TIMMDC1: variants seen among roughly 807,000 people sequenced by gnomAD.
The protein encoded by TIMMDC1 is complex I assembly factor TIMMDC1, mitochondrial.
TIMMDC1 carries 25 observed loss-of-function variants against 32.6 expected under a neutral mutation model. The ratio of observed to expected loss-of-function variants is 0.77; its 90% CI spans 0.56 to 1.07. The LOEUF (loss-of-function observed/expected upper bound fraction) is 1.07, where lower values mean the gene tolerates loss of function less well. Among genes scored for constraint, TIMMDC1 ranks in the 50% least tolerant of loss-of-function variants. The pLI is 0.00. For synonymous variants in TIMMDC1, 130 were observed against 127.6 expected (o/e 1.02, Z -0.13); for missense variants, 329 against 349.2 (o/e 0.94, Z 0.46).
chr3:119,518,132 A>G (rs1171906590), intron 6 of TIMMDC1, among the ~76,000 whole-genome samples: 1 of 152,154 alleles, frequency 6.6e-6, no homozygotes, highest in Non-Finnish European at 1.5e-5. Context: ...ACTTTCACCT[A>G]TTGCATCTAA....
chr3:119,517,667 C>T (rs890640068), intron 6 of TIMMDC1, among the ~76,000 whole-genome samples: 8 of 152,156 alleles, frequency 5.3e-5, no homozygotes, highest in African/African-American at 1.7e-4. Flanking sequence ...ACCTGGCTTA[C>T]TTAAAAAGTG....
intron 4 of TIMMDC1, among the ~76,000 whole-genome samples, chr3:119,511,502 A>T (rs2081952523): frequency 6.8e-6 from 1 of 147,310 alleles, no homozygotes; most frequent in Non-Finnish European, 1.5e-5. Flanking sequence ...AAAGAAAAAA[A>T]AATTTGTGCG....
chr3:119,506,733 C>T (rs538840978), intron 4 of TIMMDC1, among the ~76,000 whole-genome samples: 1 of 152,220 alleles, frequency 6.6e-6, no homozygotes, highest in Admixed American at 6.5e-5. Flanking sequence ...GATTTTGCCA[C>T]TTTTCTGTTT....
At position 119,509,717 on chromosome 3, in the gene TIMMDC1, GCT is replaced by G. The variant is rs2081941192; in HGVS notation, c.518-3921_518-3920del. Reference sequence around the variant, plus strand: ...TTTTTTTTTTTTGAGACGGAATCTTGCTCTGTCGCTCAGGCTGGAGTGCAGTG... The same window carrying G: ...TTTTTTTTTTTTGAGACGGAATCTTGCTGTCGCTCAGGCTGGAGTGCAGTG... On this transcript the variant is annotated intron_variant, in intron 4 of 6. Coordinates refer to ENST00000494664, the MANE Select transcript of TIMMDC1 (RefSeq NM_016589.4). 2.1e-5 allele frequency among the ~76,000 whole-genome samples: 3 copies of G among 140,794 alleles called. No homozygotes were observed. In the South Asian group the frequency reaches 6.7e-4, roughly 32 times the overall value. The allele number at this position is 140,794 out of a possible 152,430, so 92.4% of individuals were successfully genotyped here.
At chr3:119,510,625 G>T (rs2081946806) in intron 4 of TIMMDC1, among the ~76,000 whole-genome samples, 1 of 152,118 alleles carries the variant, frequency 6.6e-6, no homozygotes, top group Non-Finnish European at 1.5e-5. Context: ...ACAAAACCAA[G>T]CACCCACAAA....
intron 4 of TIMMDC1, among the ~76,000 whole-genome samples, chr3:119,508,590 A>G: frequency 6.6e-6 from 1 of 152,220 alleles, no homozygotes; most frequent in East Asian, 1.9e-4. Context: ...CCCAAGTGCT[A>G]CCTTGGTTGA....
At chr3:119,519,882 T>G (rs1335715712) in intron 6 of TIMMDC1, among the ~76,000 whole-genome samples, 1 of 150,602 alleles carries the variant, frequency 6.6e-6, no homozygotes, top group African/African-American at 2.5e-5. Context: ...TCAACAAATT[T>G]TTAAAGATCA....
chr3:119,522,195 A>G (rs138535107), intron 6 of TIMMDC1, among the ~76,000 whole-genome samples: 14 of 152,352 alleles, frequency 9.2e-5, no homozygotes, highest in African/African-American at 3.4e-4. Context: ...AAAATGTGGT[A>G]TATATCCACC....
chr3:119,508,040 G>A (rs2081929416), intron 4 of TIMMDC1, among the ~76,000 whole-genome samples: 1 of 152,130 alleles, frequency 6.6e-6, no homozygotes, highest in Non-Finnish European at 1.5e-5. Context: ...CAATAGTTTG[G>A]GCTGTGCAAA....
At chr3:119,505,466 G>A (rs2107728404) in intron 4 of TIMMDC1, among the ~76,000 whole-genome samples, 1 of 151,972 alleles carries the variant, frequency 6.6e-6, no homozygotes, top group South Asian at 2.1e-4. Context: ...CAGGTTCAAG[G>A]GATTCTCTCC....
chr3:119,509,950 C>T (rs1343639423), intron 4 of TIMMDC1, among the ~76,000 whole-genome samples: 1 of 152,082 alleles, frequency 6.6e-6, no homozygotes, highest in Non-Finnish European at 1.5e-5. Flanking sequence ...TCCCAAAGTG[C>T]TGGGATTTCA....
At chr3:119,507,477 C>T (rs1436191782) in intron 4 of TIMMDC1, among the ~76,000 whole-genome samples, 1 of 152,100 alleles carries the variant, frequency 6.6e-6, no homozygotes, top group African/African-American at 2.4e-5. Flanking sequence ...TTTGTTTTAT[C>T]GCTAGCATTT....
chr3:119,522,777 T>C (rs981089766), intron 6 of TIMMDC1, among the ~76,000 whole-genome samples: 4 of 151,646 alleles, frequency 2.6e-5, no homozygotes. Flanking sequence ...AGTGTCAAAA[T>C]TGTATAGCAT....
chr3:119,521,763 C>T (rs1442623624), intron 6 of TIMMDC1, among the ~76,000 whole-genome samples: 1 of 151,332 alleles, frequency 6.6e-6, no homozygotes, highest in Non-Finnish European at 1.5e-5. Flanking sequence ...CCTACAAGTG[C>T]TAACAAGTAT....
chr3:119,499,092 C>CA, intron 1 of TIMMDC1, 165 bp downstream of exon 1: 2 of 402,056 alleles, frequency 5.0e-6, no homozygotes, highest in Non-Finnish European at 4.4e-6. Context: ...TTTTTTCTTT[C>CA]TTTTTTTTTT....
chr3:119,513,770 C>G lies in TIMMDC1; in HGVS notation c.596+51C>G, dbSNP rs377575866. On this transcript the variant is annotated intron_variant, in intron 5 of 6. Coordinates refer to ENST00000494664, the MANE Select transcript of TIMMDC1 (RefSeq NM_016589.4). ...AAATTGGCACAATTTTCATTAATAC[C>G]TTGCCTATTAAAAAGTCTCATTTAT... The G allele has an allele frequency of 1.3e-5, 15 of 1,166,212 alleles. No homozygotes were observed. The African/African-American group carries it at 2.2e-4, about 17-fold the overall frequency. 72.2% of individuals were successfully genotyped at this position (1,166,212 alleles called of 1,614,324 possible).
At position 119,523,654 on chromosome 3, in the gene TIMMDC1, T is replaced by C; in HGVS notation, c.756T>C (p.Ser252=). 6.2e-7 allele frequency: 1 copy of C among 1,613,112 alleles called. No individual in the cohort carries two copies. The highest frequency in any genetic ancestry group is 8.5e-7 in the Non-Finnish European group (1 of 1,179,602). The stretch of plus-strand genomic sequence containing the variant: ...AGCACCTCCCTGAGAAAATTGAAAG[T>C]AGTTTACAGGAAGATGAACCTGAGA... ...VTEHLPEKIE[S]SLQEDEPEND... The change falls in exon 7 of 7, where the codon AGT becomes AGC. Residue 252 remains serine, a synonymous_variant. Coordinates refer to ENST00000494664, the MANE Select transcript of TIMMDC1 (RefSeq NM_016589.4).
At chr3:119,523,521 G>T in intron 6 of TIMMDC1, 85 bp from the exon 7 acceptor site, 1 of 1,392,422 alleles carries the variant, frequency 7.2e-7, no homozygotes. Flanking sequence ...GGGAGGAAAA[G>T]ACAAATGCTA....
intron 1 of TIMMDC1, 61 bp from the exon 2 acceptor site, chr3:119,500,634 T>G: frequency 6.8e-7 from 1 of 1,466,996 alleles, no homozygotes; most frequent in Middle Eastern, 1.8e-4. Flanking sequence ...GATTATAGAG[T>G]CTCTTGGAGA....
Sources: allele counts gnomAD v4.1 joint callset (sites outside exome capture counted in the v4.1 genomes callset), GRCh38; gene constraint gnomAD v4.1.1; transcripts MANE v1.5; gene names NCBI Gene and HGNC (gene_info 2026-07-23, HGNC 2026-07-21).